The following MARCHF6 variants were observed in gnomAD, a reference collection of about 807,000 sequenced individuals.
MARCHF6 encodes E3 ubiquitin-protein ligase MARCHF6.
A neutral mutation model predicts 133.7 loss-of-function variants in MARCHF6; 31 were observed. The ratio of observed to expected loss-of-function variants is 0.23; its 90% confidence interval spans 0.17 to 0.31. The LOEUF is 0.31. Among genes scored for constraint, MARCHF6 ranks in the 10% least tolerant of loss-of-function variants. MARCHF6 has a pLI of 1.00. For missense variants in MARCHF6, 723 were observed against 1,121.6 expected (o/e 0.64, Z 5.08); for synonymous variants, 395 against 402.5 (o/e 0.98, Z 0.22).
At chr5:10,360,346 A>G (rs969989084) in intron 1 of MARCHF6, among the ~76,000 whole-genome samples, 1 of 151,576 alleles carries the variant, frequency 6.6e-6, no homozygotes, top group African/African-American at 2.4e-5. Flanking sequence ...ATGGGGTTTC[A>G]TCATATTGGC....
At position 10,433,638 on chromosome 5, in the gene MARCHF6, G is replaced by A; in HGVS notation, c.2687G>A (p.Gly896Asp). ...CTCGTGAACTACGAACGGAAATCTG[G>A]CAAACAAGGCTCATCTCCACCACCT... ...QRLVNYERKS[G>D]KQGSSPPPPQ... Residue 896 changes from glycine (G) to aspartate (D), a missense_variant, in exon 26 of 26, where the codon GGC becomes GAC. Physicochemically the swap from Gly to Asp is moderately conservative, Grantham distance 94. This residue lies in a region of MARCHF6 where 492 missense variants were observed against 699.5 expected (regional missense o/e 0.70). Transcript: ENST00000274140. 1.2e-6 allele frequency: 2 copies of A among 1,614,170 alleles called. No homozygotes were observed. The highest frequency in any genetic ancestry group is 1.7e-6 in the Non-Finnish European group (2 of 1,180,024).
In MARCHF6 at chr5:10,439,569, AAAG is replaced by A. The variant is rs762616225; in HGVS notation, c.*5889_*5891del. 1 of 152,240 alleles carries A rather than the reference AAAG, an allele frequency of 6.6e-6. No individual in the cohort carries two copies. The highest frequency in any genetic ancestry group is 1.5e-5 in the Non-Finnish European group (1 of 68,038). The allele number at this position is 152,240 out of a possible 1,614,324, so 9.4% of individuals were successfully genotyped here. A position where few individuals can be genotyped will look rare whatever the true frequency, so the allele number is the denominator to read the frequency against. ...TAAATGAGTTGCATCTAGATTACAT[AAAG>A]AAGTCTCAAAACTGAACAAGTAAAC... On this transcript the variant is annotated 3_prime_UTR_variant, in exon 26 of 26. Transcript: ENST00000274140.
intron 1 of MARCHF6, among the ~76,000 whole-genome samples, chr5:10,375,405 T>TC (rs1459006776): frequency 6.6e-6 from 1 of 152,226 alleles, no homozygotes; most frequent in Non-Finnish European, 1.5e-5. Flanking sequence ...TGGGCAGGGC[T>TC]CGGGACCTGC....
Position 10,381,901 on chromosome 5 carries a change from C to T in MARCHF6, c.292C>T (p.Leu98Phe). The T allele has an allele frequency of 6.2e-7, 1 of 1,613,522 alleles. No individual in the cohort carries two copies. The highest frequency in any genetic ancestry group is 8.5e-7 in the Non-Finnish European group (1 of 1,179,716). ...TAIRYWFHYT[L>F]VAFAWLGVVP... The stretch of plus-strand genomic sequence containing the variant: ...AATACGATATTGGTTTCATTATACA[C>T]TTGTGGCCTTTGCATGGTTGGGAGT... Residue 98 changes from leucine to phenylalanine, a missense_variant, in exon 4 of 26, where the codon CTT (leucine) becomes TTT (phenylalanine). Coordinates refer to ENST00000274140, the MANE Select transcript of MARCHF6 (RefSeq NM_005885.4).
chr5:10,412,666 G>T (rs867619261), intron 19 of MARCHF6, among the ~76,000 whole-genome samples: 1 of 152,120 alleles, frequency 6.6e-6, no homozygotes, highest in Non-Finnish European at 1.5e-5. Context: ...TTAACCTCCT[G>T]GGTTCAAGCG....
chr5:10,371,421 T>TA (rs1267492664), intron 1 of MARCHF6, among the ~76,000 whole-genome samples: 3 of 152,190 alleles, frequency 2.0e-5, no homozygotes, highest in African/African-American at 7.2e-5. Context: ...ATAATGGACT[T>TA]ACAGTTCCAT....
chr5:10,377,247 G>T (rs1314023350), intron 1 of MARCHF6, among the ~76,000 whole-genome samples: 4 of 151,986 alleles, frequency 2.6e-5, no homozygotes, highest in Non-Finnish European at 5.9e-5. Flanking sequence ...GTGGCTTTGG[G>T]GTATCCCCTC....
At chr5:10,357,252 T>C (rs1735529778) in intron 1 of MARCHF6, among the ~76,000 whole-genome samples, 1 of 151,422 alleles carries the variant, frequency 6.6e-6, no homozygotes, top group Non-Finnish European at 1.5e-5. Flanking sequence ...CAGTACAATA[T>C]TGGAATAGAT....
At chr5:10,369,036 T>C (rs570902381) in intron 1 of MARCHF6, among the ~76,000 whole-genome samples, 19 of 152,322 alleles carry the variant, frequency 1.2e-4, no homozygotes, top group African/African-American at 4.6e-4. Flanking sequence ...GGAGCCCAGC[T>C]TGATGGAAGC....
At chr5:10,357,288 C>T (rs962218480) in intron 1 of MARCHF6, among the ~76,000 whole-genome samples, 2 of 148,210 alleles carry the variant, frequency 1.3e-5, no homozygotes, top group African/African-American at 5.0e-5. Context: ...GTGCAGTTCT[C>T]AAAGATAATA....
intron 5 of MARCHF6, among the ~76,000 whole-genome samples, chr5:10,389,164 C>G (rs1266728886): frequency 3.3e-5 from 5 of 152,082 alleles, no homozygotes; most frequent in East Asian, 1.9e-4. Context: ...GGCTAAGAGT[C>G]CAGAGGCTTT....
intron 3 of MARCHF6, among the ~76,000 whole-genome samples, chr5:10,381,599 C>T (rs1313007540): frequency 1.3e-5 from 2 of 152,070 alleles, no homozygotes; most frequent in African/African-American, 4.8e-5. Context: ...TGTTGATTTC[C>T]ACGTTTCACA....
At chr5:10,418,151 G>A (rs1235859585) in intron 22 of MARCHF6, among the ~76,000 whole-genome samples, 2 of 152,128 alleles carry the variant, frequency 1.3e-5, no homozygotes, top group African/African-American at 2.4e-5. Context: ...GGCCAAGGTG[G>A]GTGGATCACC....
rs1473440522 is a variant in MARCHF6 at position 10,437,863 on chromosome 5, GT to G, written c.*4182del. On this transcript the variant is annotated 3_prime_UTR_variant, in exon 26 of 26. Coordinates refer to ENST00000274140, the MANE Select transcript of MARCHF6 (RefSeq NM_005885.4). ...ATGTTAATTGTAGTCTAGTTTTTTT[GT>G]TTGTTTTTGTGTTATTGCAAGATTG... The G allele has an allele frequency of 3.3e-5, 5 of 152,296 alleles. No individual in the cohort carries two copies. Among genetic ancestry groups the G allele is most frequent in the African/African-American group, 1.2e-4 (5 of 41,522 alleles). The allele number at this position is 152,296 out of a possible 1,614,324, so 9.4% of individuals were successfully genotyped here.
Position 10,368,025 on chromosome 5 carries a change from T to G in MARCHF6, c.20-9773T>G, listed in dbSNP as rs528708952. On this transcript the variant is annotated intron_variant, in intron 1 of 25. Transcript: ENST00000274140. ...ATAATTTTACTGCATACGAATCTGA[T>G]GGGGGGGAGCCTCAATCTGCCACAG... 1.0e-3 allele frequency among the ~76,000 whole-genome samples: 156 copies of G among 152,208 alleles called. 1 individual carries two copies. The highest frequency in any genetic ancestry group is 3.1e-3 in the Admixed American group (47 of 15,278).
At chr5:10,415,428 G>A in intron 20 of MARCHF6, 60 bp from the exon 21 acceptor site, 1 of 1,416,532 alleles carries the variant, frequency 7.1e-7, no homozygotes, top group South Asian at 1.2e-5. Flanking sequence ...ATAACAACAT[G>A]AAGATGACAA....
chr5:10,375,779 C>G (rs1736740548), intron 1 of MARCHF6, among the ~76,000 whole-genome samples: 1 of 151,952 alleles, frequency 6.6e-6, no homozygotes, highest in African/African-American at 2.4e-5. Context: ...TTATGTCTAG[C>G]TCAGGGATTG....
chr5:10,375,775 C>G (rs1465517063), intron 1 of MARCHF6, among the ~76,000 whole-genome samples: 1 of 152,096 alleles, frequency 6.6e-6, no homozygotes, highest in Non-Finnish European at 1.5e-5. Context: ...ACCTTTATGT[C>G]TAGCTCAGGG....
chr5:10,403,576 TATAAAAA>T, intron 15 of MARCHF6, 35 bp downstream of exon 15: 1 of 1,568,830 alleles, frequency 6.4e-7, no homozygotes, highest in South Asian at 1.2e-5. Flanking sequence ...GCTGTACATT[TATAAAAA>T]GGACTTTTGC....
Sources: gnomAD v4.1 joint callset for allele counts (sites outside exome capture counted in the v4.1 genomes callset) on GRCh38, gnomAD v4.1.1 for gene constraint, gnomAD v4.1.1 regional missense constraint, MANE v1.5 for transcripts, NCBI Gene and HGNC (gene_info 2026-07-23, HGNC 2026-07-21) for gene names.